The following CAMK2D variants were observed in gnomAD, a reference collection of about 807,000 sequenced individuals.
The protein encoded by CAMK2D is calcium/calmodulin-dependent protein kinase type II subunit delta.
A neutral mutation model predicts 84.0 loss-of-function variants in CAMK2D; 37 were observed. That is an observed-to-expected ratio of 0.44 (90% CI 0.34 to 0.58). The LOEUF (loss-of-function observed/expected upper bound fraction) is 0.58, where lower values mean the gene tolerates loss of function less well. Among genes scored for constraint, CAMK2D ranks in the 20% least tolerant of loss-of-function variants. The pLI, the probability that CAMK2D is intolerant of heterozygous loss-of-function variation, is 0.02. For missense variants in CAMK2D, 448 were observed against 652.5 expected (o/e 0.69, Z 3.41); for synonymous variants, 202 against 212.5 (o/e 0.95, Z 0.43).
Position 113,583,000 on chromosome 4 carries a change from C to T in CAMK2D, c.275+26152G>A, listed in dbSNP as rs115390534. 5.2e-3 allele frequency among the ~76,000 whole-genome samples: 788 copies of T among 152,328 alleles called. 6 individuals are homozygous for T. The highest frequency in any genetic ancestry group is 0.018 in the African/African-American group (757 of 41,576). On this transcript the variant is annotated intron_variant, in intron 4 of 20. Transcript: ENST00000511664. The stretch of plus-strand genomic sequence containing the variant: ...GAGACAGTCTGTCCTCCCGTGACTG[C>T]TCAGCTCTTCAGTGGAGTCAAATCC...
chr4:113,586,836 C>A (rs1047556291), intron 4 of CAMK2D, among the ~76,000 whole-genome samples: 1 of 152,010 alleles, frequency 6.6e-6, no homozygotes, highest in African/African-American at 2.4e-5. Context: ...ATTGGTGGTC[C>A]GTTAGCTCCA....
At chr4:113,740,583 A>G (rs1385007429) in intron 2 of CAMK2D, among the ~76,000 whole-genome samples, 1 of 152,188 alleles carries the variant, frequency 6.6e-6, no homozygotes, top group East Asian at 1.9e-4. Flanking sequence ...TTCCAATCTT[A>G]GTATACTCTA....
intron 8 of CAMK2D, among the ~76,000 whole-genome samples, chr4:113,527,487 A>G (rs927799413): frequency 1.1e-4 from 16 of 152,146 alleles, no homozygotes; most frequent in African/African-American, 3.4e-4. Flanking sequence ...CTGTAAACAT[A>G]ACTTCTATAT....
intron 2 of CAMK2D, among the ~76,000 whole-genome samples, chr4:113,746,384 C>T (rs1222171822): frequency 1.3e-5 from 2 of 150,584 alleles, no homozygotes; most frequent in Non-Finnish European, 2.9e-5. Context: ...AAAGTTATCT[C>T]AATGATCCTT....
chr4:113,475,656 TTCTTA>T (rs1481796906), intron 16 of CAMK2D, among the ~76,000 whole-genome samples: 5 of 152,366 alleles, frequency 3.3e-5, no homozygotes, highest in South Asian at 2.1e-4. Context: ...TGTTGCATAC[TTCTTA>T]TCTTATTTTG....
intron 4 of CAMK2D, among the ~76,000 whole-genome samples, chr4:113,601,683 C>CT (rs755850795): frequency 0.19 from 8,629 of 45,444 alleles, 1,050 homozygotes; most frequent in Non-Finnish European, 0.24. Context: ...ACTGTTTATT[C>CT]TTTTTTTTTT....
Position 113,496,011 on chromosome 4 carries a change from C to T in CAMK2D, c.1135+4452G>A, listed in dbSNP as rs186543831. Among the ~76,000 whole-genome samples, 536 of 152,266 alleles carry T rather than the reference C, an allele frequency of 3.5e-3. 3 individuals carry two copies. Among genetic ancestry groups the T allele is most frequent in the African/African-American group, 0.012 (514 of 41,564 alleles). On this transcript the variant is annotated intron_variant, in intron 16 of 20. Transcript: ENST00000511664. ...TCAGGAGGAAGTGGGTGACTCTGAA[C>T]AATGGTGCTGGATGGGTTATGAGGC...
chr4:113,570,407 G>A (rs984356466), intron 4 of CAMK2D, among the ~76,000 whole-genome samples: 6 of 152,110 alleles, frequency 3.9e-5, no homozygotes, highest in Non-Finnish European at 8.8e-5. Flanking sequence ...TATTACAAAG[G>A]TATAGTAATC....
chr4:113,707,459 C>A (rs1222689532), intron 2 of CAMK2D, among the ~76,000 whole-genome samples: 1 of 151,974 alleles, frequency 6.6e-6, no homozygotes, highest in African/African-American at 2.4e-5. Flanking sequence ...TTAGGACAAA[C>A]CAGAAGAAAA....
In CAMK2D at chr4:113,451,300, TAA is replaced by T. The variant is rs2097256180; in HGVS notation, c.*3243_*3244del. On this transcript the variant is annotated 3_prime_UTR_variant, in exon 21 of 21. Transcript: ENST00000511664. ...CCTCAGCATTAACAGTAAACCTACA[TAA>T]AGAGGGCAGCCCAACAGCAAAACAA... 6.6e-6 allele frequency: 1 copy of T among 152,100 alleles called. No individual in the cohort carries two copies. The highest frequency in any genetic ancestry group is 1.5e-5 in the Non-Finnish European group (1 of 68,014). The allele number at this position is 152,100 out of a possible 1,614,324, so 9.4% of individuals were successfully genotyped here.
rs747148770 is a variant in CAMK2D, at chr4:113,681,866, T to TA, written c.161-20095dup. ...TACATATGCCAGTAACATATTCAAT[T>TA]AAAAAAAAAAAACAGCCTTTTCCAG... On this transcript the variant is annotated intron_variant, in intron 2 of 20. Transcript: ENST00000511664. Among the ~76,000 whole-genome samples, 213 of 144,338 alleles carry TA rather than the reference T, an allele frequency of 1.5e-3. 1 individual carries two copies. Among genetic ancestry groups the TA allele is most frequent in the Middle Eastern group, 3.5e-3 (1 of 286 alleles). The allele number at this position is 144,338 out of a possible 152,430, so 94.7% of individuals were successfully genotyped here.
chr4:113,635,109 A>T (rs373100923), intron 3 of CAMK2D, among the ~76,000 whole-genome samples: 1 of 152,246 alleles, frequency 6.6e-6, no homozygotes, highest in Admixed American at 6.5e-5. Context: ...CTAATGCTGT[A>T]TGCGAAAGCA....
At position 113,473,359 on chromosome 4, in the gene CAMK2D, C is replaced by G. The variant is rs147144892; in HGVS notation, c.1136-7755G>C. 3.4e-3 allele frequency among the ~76,000 whole-genome samples: 520 copies of G among 152,240 alleles called. 2 individuals carry two copies. The highest frequency in any genetic ancestry group is 0.012 in the African/African-American group (485 of 41,554). On this transcript the variant is annotated intron_variant, in intron 16 of 20. Transcript: ENST00000511664. Reference sequence around the variant, plus strand: ...TCAGTTATATTTGGCATTCTCTGTGCAATTAGCGGCTTGTTTCTCTGTGAC... The same window carrying G: ...TCAGTTATATTTGGCATTCTCTGTGGAATTAGCGGCTTGTTTCTCTGTGAC...
intron 2 of CAMK2D, among the ~76,000 whole-genome samples, chr4:113,721,718 C>T (rs942819218): frequency 6.6e-6 from 1 of 152,092 alleles, no homozygotes; most frequent in Non-Finnish European, 1.5e-5. Flanking sequence ...TGAGGACTGC[C>T]GTAAATTATC....
chr4:113,759,658 C>G (rs575756158), intron 1 of CAMK2D, among the ~76,000 whole-genome samples: 1 of 152,104 alleles, frequency 6.6e-6, no homozygotes, highest in South Asian at 2.1e-4. Flanking sequence ...CAATTATGAC[C>G]GCTCTTGTTT....
intron 8 of CAMK2D, among the ~76,000 whole-genome samples, chr4:113,530,368 T>A (rs1162959211): frequency 1.3e-5 from 2 of 152,212 alleles, no homozygotes; most frequent in African/African-American, 4.8e-5. Context: ...CTGCAACCCA[T>A]CACATGAGGT....
intron 6 of CAMK2D, among the ~76,000 whole-genome samples, chr4:113,543,439 T>C (rs2098545054): frequency 2.0e-5 from 3 of 151,722 alleles, no homozygotes; most frequent in Admixed American, 2.0e-4. Flanking sequence ...CAGGCTGGTA[T>C]TGAACTCCTG....
intron 4 of CAMK2D, among the ~76,000 whole-genome samples, chr4:113,590,008 TAATAAGGTTA>T (rs776227144): frequency 2.6e-5 from 4 of 152,140 alleles, no homozygotes; most frequent in Non-Finnish European, 5.9e-5. Flanking sequence ...ATATGCATGT[TAATAAGGTTA>T]AATGAATATT....
At position 113,453,926 on chromosome 4, in the gene CAMK2D, A is replaced by C. The variant is rs1382424197; in HGVS notation, c.*619T>G. On this transcript the variant is annotated 3_prime_UTR_variant, in exon 21 of 21. Coordinates refer to ENST00000511664, the MANE Select transcript of CAMK2D (RefSeq NM_001321571.2). The stretch of plus-strand genomic sequence containing the variant: ...GTTTGACCAAAAACAGCATGGCTTT[A>C]TGTGGTAGCAAACCAACTGATTCTT... 1 of 152,608 alleles carries C rather than the reference A, an allele frequency of 6.6e-6. No individual in the cohort carries two copies. Among genetic ancestry groups the C allele is most frequent in the African/African-American group, 2.4e-5 (1 of 41,448 alleles). The allele number at this position is 152,608 out of a possible 1,614,324, so 9.5% of individuals were successfully genotyped here. A position where few individuals can be genotyped will look rare whatever the true frequency, so the allele number is the denominator to read the frequency against.
Sources: allele counts gnomAD v4.1 joint callset (sites outside exome capture counted in the v4.1 genomes callset), GRCh38; gene constraint gnomAD v4.1.1; transcripts MANE v1.5; gene names NCBI Gene and HGNC (gene_info 2026-07-23, HGNC 2026-07-21).